Variants in CASP6 observed in about 807,000 individuals in gnomAD.
CASP6 encodes caspase-6.
A neutral mutation model predicts 31.8 loss-of-function variants in CASP6; 20 were observed. The observed-to-expected ratio is 0.63, with a 90% confidence interval of 0.44 to 0.91. The LOEUF is 0.91. Among genes scored for constraint, CASP6 ranks in the 40% least tolerant of loss-of-function variants. The probability of loss-of-function intolerance (pLI) is 0.00; values close to 1 mark genes in which losing one functional copy is unlikely to be tolerated. For missense variants in CASP6, 328 were observed against 361.1 expected (o/e 0.91, Z 0.74); for synonymous variants, 130 against 127.8 (o/e 1.02, Z -0.12).
the CASP6 span, among the ~76,000 whole-genome samples, chr4:109,672,442 T>C: frequency 1.3e-5 from 2 of 152,210 alleles, no homozygotes; most frequent in South Asian, 4.1e-4. Flanking sequence ...AATTCACCAA[T>C]TACAGTTTAA....
At chr4:109,665,676 TTG>T in the CASP6 span, among the ~76,000 whole-genome samples, 4 of 152,226 alleles carry the variant, frequency 2.6e-5, no homozygotes, top group African/African-American at 9.6e-5. Flanking sequence ...TTTGTTGTTG[TTG>T]TATTGTTAAT....
At chr4:109,676,239 G>C in the CASP6 span, among the ~76,000 whole-genome samples, 7 of 152,298 alleles carry the variant, frequency 4.6e-5, no homozygotes, top group East Asian at 1.3e-3. Context: ...CAGAATGTTT[G>C]TAGAAATATC....
chr4:109,671,909 G>A, the CASP6 span, among the ~76,000 whole-genome samples: 1 of 152,044 alleles, frequency 6.6e-6, no homozygotes, highest in African/African-American at 2.4e-5. Context: ...TGTAGCTGTA[G>A]GTATCAGAGG....
chr4:109,690,904 C>T lies in CASP6; in HGVS notation c.589G>A (p.Val197Ile), dbSNP rs972709324. 9.3e-6 allele frequency: 15 copies of T among 1,613,200 alleles called. No homozygotes were observed. Among genetic ancestry groups the T allele is most frequent in the East Asian group, 4.5e-5 (2 of 44,758 alleles). ...TNITEVDAAS[V>I]YTLPAGADFL... ...TCAGCTCCAGCAGGCAGCGTGTAAA[C>T]GGAGGCTGCATCCACCTCAGTTATG... Residue 197 changes from valine (V) to isoleucine (I), a missense_variant, in exon 6 of 7, where the codon GTT (valine) becomes ATT (isoleucine). Coordinates refer to ENST00000265164, the MANE Select transcript of CASP6 (RefSeq NM_001226.4).
At chr4:109,685,150 CCTT>C (rs1233077469), downstream of CASP6, 2 of 629,316 alleles carry the variant, frequency 3.2e-6, no homozygotes, top group Non-Finnish European at 5.7e-6. Flanking sequence ...CATTCATCTG[CCTT>C]CTTTTGCTTT....
At chr4:109,684,141 C>A (rs1277491675), downstream of CASP6, among the ~76,000 whole-genome samples, 1 of 151,070 alleles carries the variant, frequency 6.6e-6, no homozygotes, top group Non-Finnish European at 1.5e-5. Flanking sequence ...TGGCTCACTG[C>A]AAGCTCCACC....
intron 3 of CASP6, among the ~76,000 whole-genome samples, 167 bp from the exon 4 acceptor site, chr4:109,696,653 G>A (rs528610684): frequency 3.7e-4 from 57 of 152,218 alleles, no homozygotes; most frequent in African/African-American, 7.5e-4. Flanking sequence ...CACCATGGTC[G>A]GAAAGGATTT....
At chr4:109,685,051 G>A, downstream of CASP6, 1 of 420,994 alleles carries the variant, frequency 2.4e-6, no homozygotes. Context: ...CAGCTTGCCT[G>A]TTTTTGAAAG....
downstream of CASP6, among the ~76,000 whole-genome samples, chr4:109,687,340 C>G (rs1331049404): frequency 6.6e-6 from 1 of 152,096 alleles, no homozygotes; most frequent in African/African-American, 2.4e-5. Flanking sequence ...GCCTGGGTGA[C>G]AGAATGAAAC....
chr4:109,668,157 G>A, the CASP6 span, among the ~76,000 whole-genome samples: 1 of 152,096 alleles, frequency 6.6e-6, no homozygotes, highest in Non-Finnish European at 1.5e-5. Context: ...CAGTTGATTG[G>A]TGGTGCTATT....
the CASP6 span, among the ~76,000 whole-genome samples, chr4:109,673,482 C>G: frequency 6.6e-6 from 1 of 152,198 alleles, no homozygotes; most frequent in South Asian, 2.1e-4. Context: ...CCAGGTTTCC[C>G]TGTAACCTCA....
chr4:109,679,690 G>T, the CASP6 span, among the ~76,000 whole-genome samples: 10 of 152,206 alleles, frequency 6.6e-5, no homozygotes, highest in Non-Finnish European at 4.4e-5. Context: ...CTGTGGTATC[G>T]TGTTATAGAA....
chr4:109,679,416 C>T, the CASP6 span, among the ~76,000 whole-genome samples: 3 of 152,166 alleles, frequency 2.0e-5, no homozygotes, highest in Non-Finnish European at 2.9e-5. Context: ...GAGGCCGAGG[C>T]GGGCAGATCA....
chr4:109,697,844 TG>T, intron 2 of CASP6, 76 bp from the exon 3 acceptor site: 1 of 1,508,880 alleles, frequency 6.6e-7, no homozygotes, highest in East Asian at 2.3e-5. Context: ...TAGGTCAACA[TG>T]TAGATAGAGA....
the CASP6 span, among the ~76,000 whole-genome samples, chr4:109,678,515 CGGT>C: frequency 1.6e-5 from 2 of 122,664 alleles, no homozygotes; most frequent in East Asian, 2.6e-4. Context: ...CCAGATGGGG[CGGT>C]GGCCGGGCAG....
At chr4:109,706,680 C>T (rs145111120), upstream of CASP6, among the ~76,000 whole-genome samples, 1,037 of 152,172 alleles carry the variant, frequency 6.8e-3, 11 homozygotes, top group African/African-American at 0.024. Flanking sequence ...CCTGTAATCC[C>T]AGGACTTTGG....
the CASP6 span, among the ~76,000 whole-genome samples, chr4:109,674,764 T>G: frequency 6.6e-6 from 1 of 152,288 alleles, no homozygotes; most frequent in Non-Finnish European, 1.5e-5. Flanking sequence ...ATATTTTTGC[T>G]GCTGATATAT....
At chr4:109,680,838 C>T in the CASP6 span, among the ~76,000 whole-genome samples, 1 of 152,200 alleles carries the variant, frequency 6.6e-6, no homozygotes, top group African/African-American at 2.4e-5. Flanking sequence ...TTCCCTTCCT[C>T]TCACCTTGTC....
At chr4:109,705,415 C>T (rs79238845), upstream of CASP6, among the ~76,000 whole-genome samples, 773 of 152,332 alleles carry the variant, frequency 5.1e-3, 4 homozygotes, top group African/African-American at 0.018. Flanking sequence ...ATGCTGTTAT[C>T]GTGCTTGCTA....
Sources: allele counts gnomAD v4.1 joint callset (sites outside exome capture counted in the v4.1 genomes callset), GRCh38; gene constraint gnomAD v4.1.1; transcripts MANE v1.5; gene names NCBI Gene and HGNC (gene_info 2026-07-23, HGNC 2026-07-21).